Variants in ATG10 observed in about 807,000 individuals in gnomAD.
ATG10 encodes the protein ubiquitin-like-conjugating enzyme ATG10.
In ATG10, 30 loss-of-function variants were observed where a neutral mutation model predicts 32.1. The observed-to-expected ratio is 0.94, with a 90% CI of 0.70 to 1.27. ATG10 has a LOEUF of 1.27. Ranked by LOEUF, ATG10 falls within the 50% of genes most tolerant of loss-of-function variation. The pLI is 0.00. For missense variants in ATG10, 233 were observed against 262.3 expected, an observed-to-expected ratio of 0.89 and a Z score of 0.77; for synonymous variants, 87 against 91.5, an observed-to-expected ratio of 0.95 and a Z score of 0.28.
intron 5 of ATG10, among the ~76,000 whole-genome samples, chr5:82,197,466 A>G (rs1744901058): frequency 8.0e-5 from 12 of 149,936 alleles, no homozygotes; most frequent in Admixed American, 7.9e-4. Context: ...CTATCTACCT[A>G]CCTACCTACC....
intron 5 of ATG10, among the ~76,000 whole-genome samples, chr5:82,194,485 A>G (rs895715761): frequency 2.0e-5 from 3 of 152,194 alleles, no homozygotes; most frequent in Non-Finnish European, 1.5e-5. Context: ...TTCCGGATTC[A>G]ACAGGTCTAT....
intron 3 of ATG10, among the ~76,000 whole-genome samples, chr5:82,092,815 A>T (rs923018991): frequency 2.6e-5 from 4 of 152,212 alleles, no homozygotes; most frequent in Non-Finnish European, 5.9e-5. Context: ...ATCACATTGC[A>T]AAGGGAATAC....
At chr5:82,174,728 C>T (rs896487914) in intron 4 of ATG10, among the ~76,000 whole-genome samples, 1 of 152,144 alleles carries the variant, frequency 6.6e-6, no homozygotes, top group Non-Finnish European at 1.5e-5. Flanking sequence ...CCCTAGGTGA[C>T]TGTTTTGAGG....
At chr5:82,080,236 G>A (rs1288042023) in intron 3 of ATG10, among the ~76,000 whole-genome samples, 19 of 152,046 alleles carry the variant, frequency 1.2e-4, no homozygotes, top group Non-Finnish European at 2.5e-4. Context: ...AAATTTGTTT[G>A]AGTTCTTTGT....
At chr5:82,190,069 G>A (rs1208597803) in intron 5 of ATG10, among the ~76,000 whole-genome samples, 1 of 152,042 alleles carries the variant, frequency 6.6e-6, no homozygotes, top group Non-Finnish European at 1.5e-5. Flanking sequence ...GCCTATTCTT[G>A]CAAGATGCAA....
At chr5:82,137,831 C>G (rs991727148) in intron 3 of ATG10, among the ~76,000 whole-genome samples, 4 of 152,198 alleles carry the variant, frequency 2.6e-5, no homozygotes, top group Non-Finnish European at 4.4e-5. Context: ...ACCTCTTCCC[C>G]CAGGTGTTCT....
intron 2 of ATG10, among the ~76,000 whole-genome samples, chr5:82,043,347 C>T (rs1259280924): frequency 6.6e-6 from 1 of 152,166 alleles, no homozygotes; most frequent in Non-Finnish European, 1.5e-5. Context: ...CTGGGCCTGG[C>T]CCACAGAACC....
chr5:82,238,140 A>T (rs541624189), intron 5 of ATG10, among the ~76,000 whole-genome samples: 1 of 152,182 alleles, frequency 6.6e-6, no homozygotes, highest in Admixed American at 6.5e-5. Flanking sequence ...GCCCTCAGGC[A>T]CCTCAGATTG....
In ATG10 at chr5:81,978,333, A is replaced by G. The variant is rs896373975; in HGVS notation, c.-13+6027A>G. ...GATCCATCCACCTTGGCCTCCCAAAATGCTGGGATTACAGGCATGAGCCAC... is the reference window on the plus strand; with the variant it reads ...GATCCATCCACCTTGGCCTCCCAAAGTGCTGGGATTACAGGCATGAGCCAC... On this transcript the variant is annotated intron_variant, in intron 1 of 7. Transcript: ENST00000282185. Among the ~76,000 whole-genome samples, 5 of 152,080 alleles carry G rather than the reference A, an allele frequency of 3.3e-5. No homozygotes were observed. The East Asian group carries it at 7.7e-4, about 23-fold the overall frequency.
At chr5:82,089,457 A>C (rs1764807963) in intron 3 of ATG10, among the ~76,000 whole-genome samples, 1 of 152,198 alleles carries the variant, frequency 6.6e-6, no homozygotes, top group Non-Finnish European at 1.5e-5. Context: ...TTTTTAACAA[A>C]AGTGCAAAAA....
chr5:82,240,305 G>A (rs1182643135), intron 5 of ATG10, among the ~76,000 whole-genome samples: 1 of 152,148 alleles, frequency 6.6e-6, no homozygotes, highest in Non-Finnish European at 1.5e-5. Context: ...AGAATATGTG[G>A]TATGTATACA....
At chr5:82,050,341 A>AT (rs919752772) in intron 2 of ATG10, among the ~76,000 whole-genome samples, 6 of 152,098 alleles carry the variant, frequency 3.9e-5, no homozygotes, top group African/African-American at 1.4e-4. Flanking sequence ...TCTTTGGACA[A>AT]TAACTATTGA....
intron 4 of ATG10, among the ~76,000 whole-genome samples, chr5:82,165,373 A>G (rs1743533557): frequency 6.6e-6 from 1 of 152,228 alleles, no homozygotes; most frequent in Non-Finnish European, 1.5e-5. Flanking sequence ...AATTTAGCCA[A>G]TGATATTTTA....
At chr5:82,207,088 C>T (rs187002767) in intron 5 of ATG10, among the ~76,000 whole-genome samples, 2 of 152,116 alleles carry the variant, frequency 1.3e-5, no homozygotes, top group Admixed American at 6.5e-5. Flanking sequence ...GTGGTTCCCC[C>T]TGCCCCAGGT....
intron 2 of ATG10, among the ~76,000 whole-genome samples, chr5:82,007,628 T>C (rs898947032): frequency 1.3e-5 from 2 of 151,990 alleles, no homozygotes; most frequent in Non-Finnish European, 2.9e-5. Flanking sequence ...AATTTTGTAA[T>C]TTTTTTGTAG....
intron 2 of ATG10, among the ~76,000 whole-genome samples, chr5:82,057,295 A>G (rs1763634896): frequency 6.6e-6 from 1 of 152,208 alleles, no homozygotes; most frequent in Non-Finnish European, 1.5e-5. Context: ...ACAAGGAACC[A>G]CAAACTGGGT....
At chr5:82,149,207 G>T (rs993288672) in intron 3 of ATG10, among the ~76,000 whole-genome samples, 2 of 151,838 alleles carry the variant, frequency 1.3e-5, no homozygotes, top group Admixed American at 1.3e-4. Context: ...GGCAGCCCTG[G>T]TTGCCCCCAG....
At chr5:82,138,954 C>G (rs1225701619) in intron 3 of ATG10, among the ~76,000 whole-genome samples, 2 of 148,438 alleles carry the variant, frequency 1.3e-5, no homozygotes, top group African/African-American at 5.0e-5. Flanking sequence ...ACCTCCCTGC[C>G]TGATTCTCCT....
chr5:82,120,613 A>G (rs1766004956), intron 3 of ATG10, among the ~76,000 whole-genome samples: 2 of 152,038 alleles, frequency 1.3e-5, no homozygotes. Context: ...GATTTTGATG[A>G]TAGTTAAGAG....
Sources: allele counts gnomAD v4.1 joint callset (sites outside exome capture counted in the v4.1 genomes callset), GRCh38; gene constraint gnomAD v4.1.1; transcripts MANE v1.5; gene names NCBI Gene and HGNC (gene_info 2026-07-23, HGNC 2026-07-21).